The following CHN1 variants were observed in gnomAD, a reference collection of about 807,000 sequenced individuals.
CHN1 encodes the protein chimerin 1, also known as N-chimaerin.
Under a neutral mutation model 59.5 loss-of-function variants are expected in CHN1, and 37 were observed. That is an observed-to-expected ratio of 0.62 (90% CI 0.48 to 0.82). CHN1 has a LOEUF of 0.82. Ranked by LOEUF, CHN1 falls within the 40% of genes least tolerant of loss-of-function variation. The probability of loss-of-function intolerance (pLI) is 0.00; values close to 1 mark genes in which losing one functional copy is unlikely to be tolerated. For synonymous variants in CHN1, 206 were observed against 200.4 expected, an observed-to-expected ratio of 1.03 and a Z score of -0.24; for missense variants, 469 against 571.0, an observed-to-expected ratio of 0.82 and a Z score of 1.82.
chr2:174,877,573 T>G (rs1328697150), intron 6 of CHN1, among the ~76,000 whole-genome samples: 1 of 152,186 alleles, frequency 6.6e-6, no homozygotes, highest in Non-Finnish European at 1.5e-5. Flanking sequence ...GAACTATTTT[T>G]TATTAGGGGC....
At chr2:174,910,224 T>C (rs1305430626) in intron 5 of CHN1, among the ~76,000 whole-genome samples, 1 of 152,218 alleles carries the variant, frequency 6.6e-6, no homozygotes, top group African/African-American at 2.4e-5. Flanking sequence ...ACATACAATG[T>C]TTATTTTTCT....
intron 7 of CHN1, among the ~76,000 whole-genome samples, chr2:174,842,358 AATTT>A (rs1686341626): frequency 6.6e-6 from 1 of 152,198 alleles, no homozygotes; most frequent in African/African-American, 2.4e-5. Context: ...ATATATAGTT[AATTT>A]TAGTTCCTTT....
At chr2:174,837,655 C>G (rs1384131984) in intron 7 of CHN1, among the ~76,000 whole-genome samples, 1 of 151,838 alleles carries the variant, frequency 6.6e-6, no homozygotes, top group African/African-American at 2.4e-5. Context: ...ATTTTGTAAC[C>G]AGAAGAATCT....
At chr2:174,996,615 C>T (rs907650026) in intron 1 of CHN1, among the ~76,000 whole-genome samples, 3 of 152,082 alleles carry the variant, frequency 2.0e-5, no homozygotes, top group Non-Finnish European at 4.4e-5. Flanking sequence ...ACCACCAAAT[C>T]CAAGCTCTTT....
At chr2:174,900,758 T>C (rs1017547069) in intron 5 of CHN1, among the ~76,000 whole-genome samples, 12 of 151,694 alleles carry the variant, frequency 7.9e-5, no homozygotes, top group Admixed American at 1.3e-4. Context: ...TGAGCTGAGA[T>C]TGCGCCATTG....
intron 7 of CHN1, among the ~76,000 whole-genome samples, chr2:174,832,465 G>C (rs1389188495): frequency 6.6e-6 from 1 of 151,756 alleles, no homozygotes; most frequent in East Asian, 1.9e-4. Flanking sequence ...TTCCTGATAA[G>C]TACTACTTTA....
At chr2:174,844,312 G>T (rs914633543) in intron 7 of CHN1, among the ~76,000 whole-genome samples, 2 of 152,084 alleles carry the variant, frequency 1.3e-5, no homozygotes, top group African/African-American at 4.8e-5. Flanking sequence ...GTAGGCTGAA[G>T]TTAGGTCCAG....
chr2:174,894,877 C>T (rs985454520), intron 5 of CHN1, among the ~76,000 whole-genome samples: 2 of 151,968 alleles, frequency 1.3e-5, no homozygotes, highest in South Asian at 2.1e-4. Context: ...TCTTACATTG[C>T]GTGCCATTCT....
chr2:174,999,221 C>T (rs1311369313), intron 1 of CHN1, among the ~76,000 whole-genome samples: 2 of 151,874 alleles, frequency 1.3e-5, no homozygotes, highest in Non-Finnish European at 2.9e-5. Context: ...TAACTAATGG[C>T]TGGTAATTTG....
chr2:174,993,389 A>C (rs1691611218), intron 1 of CHN1, among the ~76,000 whole-genome samples: 1 of 152,142 alleles, frequency 6.6e-6, no homozygotes, highest in African/African-American at 2.4e-5. Context: ...CAAGCGTTAG[A>C]ATAAGTTTTT....
rs1288104812 is a variant in CHN1 at position 174,799,778 on chromosome 2, A to AC, written c.*337dup. 1.8e-6 allele frequency: 1 copy of AC among 542,342 alleles called. No individual in the cohort carries two copies. The highest frequency in any genetic ancestry group is 5.1e-4 in the Middle Eastern group (1 of 1,980). 33.6% of individuals were successfully genotyped at this position (542,342 alleles called of 1,614,324 possible). Reference sequence around the variant, plus strand: ...CTTACTCTGTGAAACATGCTGGATTACAAGCACAGACTACCCAGGACGCAG... The same window carrying AC: ...CTTACTCTGTGAAACATGCTGGATTACCAAGCACAGACTACCCAGGACGCAG... On this transcript the variant is annotated 3_prime_UTR_variant, in exon 13 of 13. Coordinates refer to ENST00000409900, the MANE Select transcript of CHN1 (RefSeq NM_001822.7).
chr2:174,990,237 G>C (rs930969443), intron 1 of CHN1, among the ~76,000 whole-genome samples: 2 of 86,986 alleles, frequency 2.3e-5, no homozygotes, highest in Non-Finnish European at 5.0e-5. Context: ...GTGTGTCTGT[G>C]TGTGTGTGTG....
chr2:174,974,720 TA>T (rs1246844242), intron 1 of CHN1, among the ~76,000 whole-genome samples: 1 of 152,102 alleles, frequency 6.6e-6, no homozygotes, highest in East Asian at 1.9e-4. Flanking sequence ...GTAAATAAAA[TA>T]AAGGTAAGAG....
chr2:174,846,407 C>G (rs796608038), intron 7 of CHN1: 7 of 1,544,672 alleles, frequency 4.5e-6, no homozygotes, highest in South Asian at 3.6e-5. Context: ...TCATCATGGT[C>G]AATTCATTAA....
rs182286509 is a variant in CHN1 at position 174,823,539 on chromosome 2, T to C, written c.712+895A>G. 5.4e-3 allele frequency among the ~76,000 whole-genome samples: 815 copies of C among 152,148 alleles called. 3 individuals are homozygous for C. The highest frequency in any genetic ancestry group is 0.019 in the African/African-American group (775 of 41,514). On this transcript the variant is annotated intron_variant, in intron 8 of 12. Transcript: ENST00000409900. ...TTAGCTGGGTGTGGTGGCGGGCACC[T>C]GTAGTCCCAGCTACTCGGGAGGCTG...
At chr2:174,990,199 C>T (rs979464952) in intron 1 of CHN1, among the ~76,000 whole-genome samples, 7 of 150,322 alleles carry the variant, frequency 4.7e-5, no homozygotes, top group African/African-American at 1.7e-4. Flanking sequence ...CATTGGCAGA[C>T]TTGGTGTGTG....
At chr2:174,994,887 T>C (rs1051852587) in intron 1 of CHN1, among the ~76,000 whole-genome samples, 1 of 144,170 alleles carries the variant, frequency 6.9e-6, no homozygotes, top group Non-Finnish European at 1.5e-5. Flanking sequence ...GACTTAATGG[T>C]GACAAGGAAC....
In CHN1 at chr2:174,801,695, T is replaced by C. The variant is rs2105370783; in HGVS notation, c.1208+12A>G. ...TGCAATACAAGTGTAAGACTCAAAG[T>C]CTATAGCTTGCCTCTTTAGATGTGC... On this transcript the variant is annotated intron_variant, in intron 12 of 12. Coordinates refer to ENST00000409900, the MANE Select transcript of CHN1 (RefSeq NM_001822.7). 1.9e-6 allele frequency: 3 copies of C among 1,606,584 alleles called. No individual in the cohort carries two copies. The highest frequency in any genetic ancestry group is 2.6e-6 in the Non-Finnish European group (3 of 1,173,702).
intron 1 of CHN1, among the ~76,000 whole-genome samples, chr2:174,960,767 A>G (rs1002418073): frequency 1.3e-5 from 2 of 152,106 alleles, no homozygotes; most frequent in Non-Finnish European, 2.9e-5. Context: ...GGTTGCAGTG[A>G]GCCGAGATCA....
Sources: allele counts gnomAD v4.1 joint callset (sites outside exome capture counted in the v4.1 genomes callset), GRCh38; gene constraint gnomAD v4.1.1; transcripts MANE v1.5; gene names NCBI Gene and HGNC (gene_info 2026-07-23, HGNC 2026-07-21).